The following IGF2BP2 variants were observed in gnomAD, a reference collection of about 807,000 sequenced individuals.
IGF2BP2 encodes the protein insulin-like growth factor 2 mRNA-binding protein 2.
In IGF2BP2, 17 loss-of-function variants were observed where a neutral mutation model predicts 75.8. The ratio of observed to expected loss-of-function variants is 0.22; its 90% CI spans 0.15 to 0.34. The LOEUF (loss-of-function observed/expected upper bound fraction) is 0.34. Ranked by LOEUF, IGF2BP2 falls within the 10% of genes least tolerant of loss-of-function variation. IGF2BP2 has a pLI of 1.00. For missense variants in IGF2BP2, 516 were observed against 772.4 expected (o/e 0.67, Z 3.93); for synonymous variants, 288 against 295.6 (o/e 0.97, Z 0.26).
In IGF2BP2 at chr3:185,757,141, T is replaced by C. The variant is rs187814051; in HGVS notation, c.240-58794A>G. ...GTGTTTCCAAATTACCCTTGAAACCTTTTCCTGCACTTTGAATCACCTTCC... is the reference window on the plus strand; with the variant it reads ...GTGTTTCCAAATTACCCTTGAAACCCTTTCCTGCACTTTGAATCACCTTCC... On this transcript the variant is annotated intron_variant, in intron 2 of 15. Transcript: ENST00000382199. 6.6e-5 allele frequency among the ~76,000 whole-genome samples: 10 copies of C among 152,336 alleles called. No homozygotes were observed. The East Asian group carries it at 1.9e-3, about 29-fold the overall frequency.
chr3:185,821,152 C>A, intron 2 of IGF2BP2: 2 of 1,462,344 alleles, frequency 1.4e-6, no homozygotes, highest in Non-Finnish European at 1.8e-6. Flanking sequence ...TAGCTAATTT[C>A]TGCATTTAAA....
rs377328125 is a variant in IGF2BP2, at chr3:185,733,547, G to A, written c.240-35200C>T. ...CGAGGCAGGCGGATCACCTGAGGTC[G>A]GGAGTTCGAGACCAGCCTGACCAAC... On this transcript the variant is annotated intron_variant, in intron 2 of 15. Coordinates refer to ENST00000382199, the MANE Select transcript of IGF2BP2 (RefSeq NM_006548.6). Among the ~76,000 whole-genome samples the A allele has an allele frequency of 3.8e-4, 58 of 152,204 alleles. No individual in the cohort carries two copies. In the South Asian group the frequency reaches 8.9e-3, roughly 23 times the overall value.
At chr3:185,756,896 G>A (rs1278439433) in intron 2 of IGF2BP2, among the ~76,000 whole-genome samples, 2 of 152,122 alleles carry the variant, frequency 1.3e-5, no homozygotes, top group African/African-American at 4.8e-5. Context: ...GGTGAGCCCA[G>A]GAGTTTGAAG....
At chr3:185,776,768 T>C (rs1305516360) in intron 2 of IGF2BP2, among the ~76,000 whole-genome samples, 1 of 152,160 alleles carries the variant, frequency 6.6e-6, no homozygotes, top group Non-Finnish European at 1.5e-5. Context: ...CAACCAACAT[T>C]TTCTCAGAAC....
chr3:185,814,437 C>G (rs1560514315), intron 2 of IGF2BP2, among the ~76,000 whole-genome samples: 2 of 152,182 alleles, frequency 1.3e-5, no homozygotes, highest in Non-Finnish European at 2.9e-5. Flanking sequence ...TCCAAAAATA[C>G]TATATAGCCT....
intron 2 of IGF2BP2, among the ~76,000 whole-genome samples, chr3:185,769,830 C>CAA (rs35418660): frequency 0.028 from 2,158 of 76,932 alleles, 31 homozygotes; most frequent in African/African-American, 0.043. Flanking sequence ...ACCCTGTCTC[C>CAA]AAAAAAAAAA....
At chr3:185,726,866 T>C (rs1578116745) in intron 2 of IGF2BP2, among the ~76,000 whole-genome samples, 1 of 152,150 alleles carries the variant, frequency 6.6e-6, no homozygotes, top group Non-Finnish European at 1.5e-5. Flanking sequence ...TCTCTGAAAC[T>C]TACCAAGGGG....
At chr3:185,767,112 T>C (rs1238921051) in intron 2 of IGF2BP2, among the ~76,000 whole-genome samples, 1 of 152,162 alleles carries the variant, frequency 6.6e-6, no homozygotes, top group Non-Finnish European at 1.5e-5. Context: ...GCAGAGGCAG[T>C]TGTGGGAGAA....
chr3:185,764,248 G>C (rs1404660719), intron 2 of IGF2BP2, among the ~76,000 whole-genome samples: 2 of 151,896 alleles, frequency 1.3e-5, no homozygotes, highest in African/African-American at 4.8e-5. Context: ...CTAATATTTT[G>C]GCACATTTCC....
intron 2 of IGF2BP2, among the ~76,000 whole-genome samples, chr3:185,801,851 T>A (rs538322996): frequency 6.6e-6 from 1 of 152,034 alleles, no homozygotes; most frequent in East Asian, 1.9e-4. Context: ...AAAGAGTGAG[T>A]TCATATCCTT....
intron 2 of IGF2BP2, among the ~76,000 whole-genome samples, chr3:185,784,265 G>T (rs1052826598): frequency 9.0e-5 from 13 of 145,066 alleles, no homozygotes; most frequent in African/African-American, 3.3e-4. Context: ...TAGATAGATA[G>T]ATAGACAGAC....
intron 1 of IGF2BP2, among the ~76,000 whole-genome samples, chr3:185,824,431 A>G (rs1741771590): frequency 1.9e-5 from 2 of 106,510 alleles, no homozygotes; most frequent in East Asian, 6.7e-4. Context: ...GAAGTGAGAC[A>G]GGGGACGCTC....
chr3:185,720,989 C>T (rs1726442158), intron 2 of IGF2BP2, among the ~76,000 whole-genome samples: 1 of 152,126 alleles, frequency 6.6e-6, no homozygotes, highest in Middle Eastern at 3.2e-3. Flanking sequence ...TGGATGCCTA[C>T]AAGTTGTGTG....
Position 185,675,417 on chromosome 3 carries a change from C to T in IGF2BP2, c.950G>A (p.Ser317Asn). The change falls in exon 9 of 16, where the codon AGC becomes AAC. Residue 317 changes from serine (S) to asparagine (N), a missense_variant. Physicochemically the swap from Ser to Asn is conservative, Grantham distance 46. Transcript: ENST00000382199. The stretch of plus-strand genomic sequence containing the variant: ...GATGGTTCTTTCCGGGTTGTATATG[C>T]TCAAATCCTGCAAACTGACCCATGA... ...KITISSLQDLSIYNPERTITV... is the reference protein window; with the variant it reads ...KITISSLQDLNIYNPERTITV... 1 of 1,610,592 alleles carries T rather than the reference C, an allele frequency of 6.2e-7. No individual in the cohort carries two copies. The highest frequency in any genetic ancestry group is 8.5e-7 in the Non-Finnish European group (1 of 1,179,262).
chr3:185,769,159 A>C (rs1733519071), intron 2 of IGF2BP2, among the ~76,000 whole-genome samples: 1 of 152,134 alleles, frequency 6.6e-6, no homozygotes, highest in Non-Finnish European at 1.5e-5. Context: ...CCTGGGCAAC[A>C]CAGCAAAACC....
chr3:185,650,610 G>C (rs1459315623), intron 13 of IGF2BP2, among the ~76,000 whole-genome samples: 1 of 152,008 alleles, frequency 6.6e-6, no homozygotes, highest in Non-Finnish European at 1.5e-5. Flanking sequence ...CCGAGAGATG[G>C]AGGTTGCAGT....
intron 2 of IGF2BP2, among the ~76,000 whole-genome samples, chr3:185,804,756 G>C (rs1738770423): frequency 6.6e-6 from 1 of 152,184 alleles, no homozygotes; most frequent in African/African-American, 2.4e-5. Context: ...TTGGGAGGCG[G>C]AGGTGGGCGG....
At chr3:185,747,044 C>T (rs550897001) in intron 2 of IGF2BP2, among the ~76,000 whole-genome samples, 1 of 152,190 alleles carries the variant, frequency 6.6e-6, no homozygotes, top group Non-Finnish European at 1.5e-5. Flanking sequence ...AAGCCAGAGA[C>T]CTAGAAAACT....
In IGF2BP2 at chr3:185,680,909, C is replaced by T. The variant is rs143906385; in HGVS notation, c.813-4996G>A. On this transcript the variant is annotated intron_variant, in intron 7 of 15. Coordinates refer to ENST00000382199, the MANE Select transcript of IGF2BP2 (RefSeq NM_006548.6). Reference sequence around the variant, plus strand: ...ACACCCTTTCATGATAAAAAACACCCAACAAAATTAGGAATAAAAGGAAAT... The same window carrying T: ...ACACCCTTTCATGATAAAAAACACCTAACAAAATTAGGAATAAAAGGAAAT... Among the ~76,000 whole-genome samples, 17 of 152,134 alleles carry T rather than the reference C, an allele frequency of 1.1e-4. No homozygotes were observed. In the East Asian group the frequency reaches 3.1e-3, roughly 28 times the overall value.
Sources: gnomAD v4.1 joint callset for allele counts (sites outside exome capture counted in the v4.1 genomes callset) on GRCh38, gnomAD v4.1.1 for gene constraint, MANE v1.5 for transcripts, NCBI Gene and HGNC (gene_info 2026-07-23, HGNC 2026-07-21) for gene names.